The following SORT1 variants were observed in gnomAD, a reference collection of about 807,000 sequenced individuals.
SORT1 encodes sortilin.
SORT1 carries 39 observed loss-of-function variants against 101.7 expected under a neutral mutation model. That is an observed-to-expected ratio of 0.38 (90% CI 0.30 to 0.50). The LOEUF (loss-of-function observed/expected upper bound fraction) is 0.50, where lower values mean the gene tolerates loss of function less well. Ranked by LOEUF, SORT1 falls within the 20% of genes least tolerant of loss-of-function variation. The probability of loss-of-function intolerance (pLI) is 0.90; values close to 1 mark genes in which losing one functional copy is unlikely to be tolerated. For missense variants in SORT1, 878 were observed against 1,040.4 expected (o/e 0.84, Z 2.15); for synonymous variants, 396 against 393.7 (o/e 1.01, Z -0.07).
chr1:109,326,116 G>A lies in SORT1; in HGVS notation c.1643+876C>T, dbSNP rs542299909. ...CACCCAGGCTGGAGTGCAGTGGTAC[G>A]ATCTCAGCTCACTGTGGCCTTGACC... On this transcript the variant is annotated intron_variant, in intron 13 of 19. Transcript: ENST00000256637. Among the ~76,000 whole-genome samples the A allele has an allele frequency of 1.1e-3, 167 of 147,210 alleles. 1 individual carries two copies. The highest frequency in any genetic ancestry group is 1.4e-3 in the Non-Finnish European group (96 of 67,106).
In SORT1 at chr1:109,393,252, G is replaced by A. The variant is rs568997724; in HGVS notation, c.306+4335C>T. On this transcript the variant is annotated intron_variant, in intron 1 of 19. Transcript: ENST00000256637. ...TATTTAAGGAACCAGATGCTTTAAA[G>A]TTGGAGTAGAAGTTGGGAAGTTATG... 4.5e-5 allele frequency: 44 copies of A among 985,312 alleles called. No homozygotes were observed. The African/African-American group carries it at 6.8e-4, about 15-fold the overall frequency. The allele number at this position is 985,312 out of a possible 1,614,324, so 61.0% of individuals were successfully genotyped here.
intron 3 of SORT1, among the ~76,000 whole-genome samples, chr1:109,357,706 A>T (rs908452246): frequency 6.6e-6 from 1 of 152,204 alleles, no homozygotes; most frequent in African/African-American, 2.4e-5. Flanking sequence ...GAGGTCCCTG[A>T]TAATATGCTG....
chr1:109,316,343 G>A (rs1048842630), intron 17 of SORT1, among the ~76,000 whole-genome samples: 14 of 151,938 alleles, frequency 9.2e-5, no homozygotes, highest in Admixed American at 4.6e-4. Context: ...TCAGCCTCCC[G>A]AGTAACTGGG....
At chr1:109,391,825 C>CA (rs1268106695) in intron 1 of SORT1, among the ~76,000 whole-genome samples, 2 of 152,188 alleles carry the variant, frequency 1.3e-5, no homozygotes, top group South Asian at 2.1e-4. Context: ...AATCCACCTG[C>CA]ATACAAATCA....
chr1:109,326,651 T>C (rs926694904), intron 13 of SORT1, among the ~76,000 whole-genome samples: 1 of 150,474 alleles, frequency 6.6e-6, no homozygotes, highest in Non-Finnish European at 1.5e-5. Flanking sequence ...GGACAAGGTC[T>C]CCCTATGTTG....
At chr1:109,389,891 C>T (rs928190881) in intron 1 of SORT1, 1 of 152,290 alleles carries the variant, frequency 6.6e-6, no homozygotes, top group South Asian at 2.1e-4. Context: ...CAGCTCTAGC[C>T]TCATGTCTAG....
intron 14 of SORT1, among the ~76,000 whole-genome samples, chr1:109,323,830 A>C (rs765102616): frequency 1.3e-5 from 2 of 152,228 alleles, no homozygotes; most frequent in South Asian, 4.1e-4. Flanking sequence ...CTTTAGGGGT[A>C]ACTGGGAGCT....
chr1:109,359,367 A>G (rs1650562107), intron 3 of SORT1, among the ~76,000 whole-genome samples: 1 of 152,142 alleles, frequency 6.6e-6, no homozygotes, highest in African/African-American at 2.4e-5. Context: ...ATGAGTTCAG[A>G]GGGAACATAA....
chr1:109,329,038 A>G (rs1164690547), intron 11 of SORT1, among the ~76,000 whole-genome samples: 1 of 152,056 alleles, frequency 6.6e-6, no homozygotes, highest in Non-Finnish European at 1.5e-5. Flanking sequence ...CCCAGCCTCC[A>G]AGCTACCCCC....
At chr1:109,360,275 A>G in intron 3 of SORT1, among the ~76,000 whole-genome samples, 1 of 152,158 alleles carries the variant, frequency 6.6e-6, no homozygotes, top group African/African-American at 2.4e-5. Flanking sequence ...GCTCAAAGCT[A>G]CAATGAGCCG....
At chr1:109,396,839 C>G (rs1368477763) in intron 1 of SORT1, among the ~76,000 whole-genome samples, 1 of 152,134 alleles carries the variant, frequency 6.6e-6, no homozygotes, top group East Asian at 1.9e-4. Flanking sequence ...AGCAAGGAAC[C>G]AGGACTTTCT....
intron 2 of SORT1, among the ~76,000 whole-genome samples, chr1:109,368,271 GT>G (rs1244495263): frequency 1.4e-5 from 2 of 144,154 alleles, no homozygotes; most frequent in Non-Finnish European, 3.0e-5. Context: ...TCCAGCCTGG[GT>G]GACAGAGCAA....
At chr1:109,330,496 A>C (rs1331905251) in intron 11 of SORT1, among the ~76,000 whole-genome samples, 1 of 152,220 alleles carries the variant, frequency 6.6e-6, no homozygotes, top group African/African-American at 2.4e-5. Context: ...TTCTAAGAAG[A>C]AAGTTTATGG....
intron 1 of SORT1, among the ~76,000 whole-genome samples, chr1:109,372,331 T>A (rs990579683): frequency 1.3e-5 from 2 of 152,198 alleles, no homozygotes; most frequent in African/African-American, 4.8e-5. Flanking sequence ...CTGAGGTCCA[T>A]CTGGTAAAGG....
At chr1:109,367,823 G>A (rs1227611216) in intron 2 of SORT1, among the ~76,000 whole-genome samples, 2 of 152,180 alleles carry the variant, frequency 1.3e-5, no homozygotes, top group East Asian at 1.9e-4. Context: ...CTAGAATAGC[G>A]TGGGTGTTCT....
chr1:109,381,430 AAAG>A (rs1428512257), intron 1 of SORT1, among the ~76,000 whole-genome samples: 1 of 152,218 alleles, frequency 6.6e-6, no homozygotes, highest in Non-Finnish European at 1.5e-5. Flanking sequence ...ACAAGGAAAA[AAAG>A]AAGAAACGTT....
intron 5 of SORT1, among the ~76,000 whole-genome samples, chr1:109,352,654 C>T (rs1397356772): frequency 6.6e-6 from 1 of 152,210 alleles, no homozygotes; most frequent in African/African-American, 2.4e-5. Flanking sequence ...CACATCCTAG[C>T]ATTTCTAATT....
Position 109,379,091 on chromosome 1 carries a change from C to T in SORT1, c.307-9502G>A, listed in dbSNP as rs548571973. 1.1e-3 allele frequency among the ~76,000 whole-genome samples: 168 copies of T among 151,180 alleles called. 1 individual carries two copies. Among genetic ancestry groups the T allele is most frequent in the African/African-American group, 3.9e-3 (162 of 41,140 alleles). ...CCAGGAAGCAGAGGTTGCAGTGAGC[C>T]GAGACTGCGCCACTGCACTCCAGCC... On this transcript the variant is annotated intron_variant, in intron 1 of 19. Coordinates refer to ENST00000256637, the MANE Select transcript of SORT1 (RefSeq NM_002959.7).
chr1:109,341,952 T>C (rs564054070), intron 9 of SORT1, 62 bp downstream of exon 9: 48 of 1,506,392 alleles, frequency 3.2e-5, no homozygotes, highest in Non-Finnish European at 4.2e-5. Flanking sequence ...CATGTAAAAA[T>C]AAAAGCTGCT....
Sources: gnomAD v4.1 joint callset for allele counts (sites outside exome capture counted in the v4.1 genomes callset) on GRCh38, gnomAD v4.1.1 for gene constraint, MANE v1.5 for transcripts, NCBI Gene and HGNC (gene_info 2026-07-23, HGNC 2026-07-21) for gene names.